Variants in IQSEC1 observed in about 807,000 individuals in gnomAD.
The protein encoded by IQSEC1 is IQ motif and Sec7 domain ArfGEF 1.
A neutral mutation model predicts 91.0 loss-of-function variants in IQSEC1; 31 were observed. The observed-to-expected ratio is 0.34, with a 90% CI of 0.26 to 0.46. The LOEUF is 0.46. IQSEC1 is among the 20% of genes least tolerant of loss of function. The probability of loss-of-function intolerance (pLI) is 1.00; values close to 1 mark genes in which losing one functional copy is unlikely to be tolerated. For missense variants in IQSEC1, 1,388 were observed against 1,575.6 expected, an observed-to-expected ratio of 0.88 and a Z score of 2.02; for synonymous variants, 699 against 662.6, an observed-to-expected ratio of 1.05 and a Z score of -0.84.
chr3:13,094,207 G>A (rs1705917168), intron 2 of IQSEC1, among the ~76,000 whole-genome samples: 1 of 152,194 alleles, frequency 6.6e-6, no homozygotes, highest in Non-Finnish European at 1.5e-5. Context: ...CCGGTGCTGT[G>A]GGAGTTCTAG....
chr3:12,935,755 G>T lies in IQSEC1; in HGVS notation c.1261C>A (p.Pro421Thr), dbSNP rs755004691. ...GAPKSLPREE[P>T]ELRPRPPRPL... ...CTGGGGGGCCGGGGCCGCAACTCAG[G>T]CTCCTCCCGGGGGAGGCTCTTGGGG... Residue 421 changes from proline (P) to threonine (T), a missense_variant, in exon 3 of 14, where the codon CCT becomes ACT. By Grantham distance (38) the Pro-to-Thr change is conservative. Transcript: ENST00000613206. This position sits in a 1 kb window ranked among gnomAD's most constrained non-coding sequence, Gnocchi z 8.0. 4 of 1,609,298 alleles carry T rather than the reference G, an allele frequency of 2.5e-6. No individual in the cohort carries two copies. Among genetic ancestry groups the T allele is most frequent in the East Asian group, 2.2e-5 (1 of 44,814 alleles).
intron 1 of IQSEC1, among the ~76,000 whole-genome samples, chr3:12,966,657 A>G (rs550546338): frequency 6.6e-6 from 1 of 152,092 alleles, no homozygotes; most frequent in African/African-American, 2.4e-5. Flanking sequence ...TCCATCCCTG[A>G]CCACACCAGG....
intron 2 of IQSEC1, among the ~76,000 whole-genome samples, chr3:13,129,242 T>TTTG (rs1706567270): frequency 6.6e-6 from 1 of 152,206 alleles, no homozygotes; most frequent in Admixed American, 6.5e-5. Context: ...CCTCTAAGTT[T>TTTG]TTGTTGTTGT....
intron 1 of IQSEC1, among the ~76,000 whole-genome samples, chr3:12,978,213 G>A (rs1028062803): frequency 2.0e-5 from 3 of 152,212 alleles, no homozygotes; most frequent in Non-Finnish European, 2.9e-5. Flanking sequence ...TTTGCACTAA[G>A]ACACACAGCC....
chr3:13,263,651 C>T (rs1695433433), intron 1 of IQSEC1, among the ~76,000 whole-genome samples: 1 of 152,172 alleles, frequency 6.6e-6, no homozygotes, highest in African/African-American at 2.4e-5. Flanking sequence ...ACATGTTGGC[C>T]AGGCTGGTCT....
intron 1 of IQSEC1, among the ~76,000 whole-genome samples, chr3:13,261,952 A>G (rs1695396257): frequency 6.6e-6 from 1 of 152,256 alleles, no homozygotes; most frequent in Non-Finnish European, 1.5e-5. Flanking sequence ...CAACTTTCAT[A>G]AATCAGTACA....
At chr3:13,175,546 C>T (rs1693709883) in intron 1 of IQSEC1, among the ~76,000 whole-genome samples, 1 of 152,254 alleles carries the variant, frequency 6.6e-6, no homozygotes, top group Non-Finnish European at 1.5e-5. Flanking sequence ...TGCCACACTC[C>T]TCCTTTCAAC....
intron 1 of IQSEC1, among the ~76,000 whole-genome samples, chr3:13,205,002 T>C (rs2125054660): frequency 6.6e-6 from 1 of 152,048 alleles, no homozygotes; most frequent in South Asian, 2.1e-4. Flanking sequence ...TTCACCATGT[T>C]AGCCAGGCTG....
chr3:13,265,810 G>A (rs1211240788), intron 1 of IQSEC1, among the ~76,000 whole-genome samples: 1 of 150,874 alleles, frequency 6.6e-6, no homozygotes, highest in Non-Finnish European at 1.5e-5. Flanking sequence ...ACCTCCTACT[G>A]GCTACCACAG....
At chr3:13,173,641 A>AG (rs2125004732) in intron 1 of IQSEC1, among the ~76,000 whole-genome samples, 1 of 152,326 alleles carries the variant, frequency 6.6e-6, no homozygotes, top group South Asian at 2.1e-4. Context: ...CCCCTGCATG[A>AG]GGACCCCAAC....
intron 13 of IQSEC1, among the ~76,000 whole-genome samples, chr3:12,902,446 C>T (rs950441637): frequency 6.6e-6 from 1 of 151,838 alleles, no homozygotes; most frequent in Admixed American, 6.6e-5. Context: ...CAACCATGCT[C>T]AGGGACCACA....
intron 2 of IQSEC1, among the ~76,000 whole-genome samples, chr3:13,120,686 G>A (rs1487891712): frequency 2.0e-5 from 3 of 152,204 alleles, no homozygotes; most frequent in African/African-American, 7.2e-5. Flanking sequence ...GAGGAGGGCC[G>A]AGCAACGACG....
chr3:12,961,187 C>G (rs1019838591), intron 1 of IQSEC1, among the ~76,000 whole-genome samples: 7 of 152,232 alleles, frequency 4.6e-5, no homozygotes, highest in Admixed American at 3.9e-4. Flanking sequence ...GGAAGCCAGA[C>G]CTGCCCAAAG....
chr3:13,024,776 A>T (rs1291891977), intron 1 of IQSEC1, among the ~76,000 whole-genome samples: 1 of 152,136 alleles, frequency 6.6e-6, no homozygotes, highest in East Asian at 1.9e-4. Context: ...CTCATCGGGG[A>T]CATGTCACAC....
chr3:13,145,804 C>CGGGG (rs71848559), intron 2 of IQSEC1, among the ~76,000 whole-genome samples: 2 of 53,108 alleles, frequency 3.8e-5, no homozygotes, highest in African/African-American at 1.4e-4. Context: ...CGCCCGGGGG[C>CGGGG]GGGGGGGGGG....
intron 1 of IQSEC1, among the ~76,000 whole-genome samples, chr3:13,016,234 C>G (rs1243784385): frequency 6.6e-6 from 1 of 152,368 alleles, no homozygotes; most frequent in African/African-American, 2.4e-5. Flanking sequence ...CAGGCCCCTC[C>G]TCCAGGAAGC....
intron 1 of IQSEC1, among the ~76,000 whole-genome samples, chr3:12,991,387 A>G (rs979885161): frequency 4.6e-5 from 7 of 152,122 alleles, no homozygotes; most frequent in African/African-American, 1.7e-4. Context: ...TTTGCATCTC[A>G]CTGCATGGTG....
At chr3:13,088,430 C>T (rs915233046) in intron 2 of IQSEC1, among the ~76,000 whole-genome samples, 4 of 152,058 alleles carry the variant, frequency 2.6e-5, no homozygotes, top group Admixed American at 6.5e-5. Flanking sequence ...GAAGCCTGCT[C>T]CTCCCCACTC....
chr3:13,127,730 G>A (rs1032216520), intron 2 of IQSEC1, among the ~76,000 whole-genome samples: 6 of 152,082 alleles, frequency 3.9e-5, no homozygotes, highest in African/African-American at 1.2e-4. Flanking sequence ...AGATCAACTC[G>A]GGGAGAAATG....
Sources: allele counts gnomAD v4.1 joint callset (sites outside exome capture counted in the v4.1 genomes callset), GRCh38; gene constraint gnomAD v4.1.1; non-coding constraint Gnocchi (gnomAD v3.1); transcripts MANE v1.5; gene names NCBI Gene and HGNC (gene_info 2026-07-23, HGNC 2026-07-21).